Variants in GLMN observed in about 807,000 individuals in gnomAD.
GLMN encodes glomulin, FKBP associated protein.
Under a neutral mutation model 87.8 loss-of-function variants are expected in GLMN, and 75 were observed. That is an observed-to-expected ratio of 0.85 (90% CI 0.71 to 1.04). The LOEUF (loss-of-function observed/expected upper bound fraction) is 1.04, where lower values mean the gene tolerates loss of function less well. GLMN is among the 50% of genes least tolerant of loss of function. The probability of loss-of-function intolerance (pLI) is 0.00; values close to 1 mark genes in which losing one functional copy is unlikely to be tolerated. For synonymous variants in GLMN, 206 were observed against 221.6 expected, an observed-to-expected ratio of 0.93 and a Z score of 0.63; for missense variants, 588 against 658.8, an observed-to-expected ratio of 0.89 and a Z score of 1.18.
Position 92,297,991 on chromosome 1 carries a change from T to C in GLMN, c.9A>G (p.Val3=). 6.7e-7 allele frequency: 1 copy of C among 1,499,918 alleles called. No homozygotes were observed. The highest frequency in any genetic ancestry group is 9.3e-7 in the Non-Finnish European group (1 of 1,076,376). The allele number at this position is 1,499,918 out of a possible 1,614,324, so 92.9% of individuals were successfully genotyped here. Residue 3 remains valine (V), a synonymous_variant, in exon 2 of 19, where the codon GTA becomes GTG. Coordinates refer to ENST00000370360, the MANE Select transcript of GLMN (RefSeq NM_053274.3). MA[V]EELQSIIKRC... is the part of the protein sequence containing the mutation. ...TCTTTATTATAGACTGAAGTTCCTC[T>C]ACAGCCATTCTTATTTCTCCTAGTT...
the GLMN span, among the ~76,000 whole-genome samples, chr1:92,367,889 C>G: frequency 6.6e-6 from 1 of 152,190 alleles, no homozygotes. Flanking sequence ...AAATTATGAA[C>G]GCTCAGGAAA....
At chr1:92,258,287 G>A (rs1006322716) in intron 16 of GLMN, among the ~76,000 whole-genome samples, 20 of 152,118 alleles carry the variant, frequency 1.3e-4, no homozygotes, top group Admixed American at 3.3e-4. Context: ...AAATAGGAAC[G>A]CTTTTACACT....
At chr1:92,266,857 A>G (rs1424009283) in intron 11 of GLMN, 116 bp from the exon 12 acceptor site, 2 of 681,672 alleles carry the variant, frequency 2.9e-6, no homozygotes, top group African/African-American at 1.8e-5. Flanking sequence ...TAGGAGATTT[A>G]AAAGTGAAGT....
At chr1:92,261,472 C>T (rs538759424) in intron 16 of GLMN, among the ~76,000 whole-genome samples, 12 of 151,962 alleles carry the variant, frequency 7.9e-5, no homozygotes, top group South Asian at 6.2e-4. Flanking sequence ...GAGAACGAGA[C>T]GCTCTCTGAA....
chr1:92,334,810 C>T, the GLMN span, among the ~76,000 whole-genome samples: 3,147 of 152,108 alleles, frequency 0.021, 46 homozygotes, highest in Middle Eastern at 0.037. Context: ...CACGGTGAAA[C>T]CCCATCTCTA....
chr1:92,264,430 TTAA>T (rs1655381149), intron 14 of GLMN, 121 bp downstream of exon 14: 7 of 624,790 alleles, frequency 1.1e-5, no homozygotes, highest in South Asian at 3.9e-5. Flanking sequence ...AAAATATGCC[TTAA>T]TAATATTTAA....
chr1:92,270,566 T>C lies in GLMN; in HGVS notation c.924-790A>G, dbSNP rs140642383. Among the ~76,000 whole-genome samples the C allele has an allele frequency of 1.6e-3, 238 of 152,348 alleles. 1 individual carries two copies. Among genetic ancestry groups the C allele is most frequent in the Admixed American group, 3.5e-3 (54 of 15,296 alleles). ...TTACATACGAATGTACTCCTAGCTA[T>C]ATTCATATATAAATGCACAAACTCA... On this transcript the variant is annotated intron_variant, in intron 8 of 18. Coordinates refer to ENST00000370360, the MANE Select transcript of GLMN (RefSeq NM_053274.3).
chr1:92,259,999 A>T (rs553672430), intron 16 of GLMN, among the ~76,000 whole-genome samples: 231 of 151,916 alleles, frequency 1.5e-3, no homozygotes, highest in Non-Finnish European at 2.1e-3. Flanking sequence ...CCTTCCAAAG[A>T]GCTGGGATTA....
At chr1:92,270,023 G>A (rs1656071952) in intron 8 of GLMN, among the ~76,000 whole-genome samples, 2 of 152,126 alleles carry the variant, frequency 1.3e-5, no homozygotes, top group South Asian at 4.1e-4. Flanking sequence ...AAAGTTTGGA[G>A]ACAGACACAA....
chr1:92,251,140 A>C (rs1299673081), intron 16 of GLMN, among the ~76,000 whole-genome samples: 1 of 152,224 alleles, frequency 6.6e-6, no homozygotes, highest in Non-Finnish European at 1.5e-5. Context: ...AAAAATAGCC[A>C]ATACAATTTT....
At chr1:92,284,319 C>CAG (rs1648460821) in intron 7 of GLMN, among the ~76,000 whole-genome samples, 1 of 152,098 alleles carries the variant, frequency 6.6e-6, no homozygotes, top group Non-Finnish European at 1.5e-5. Context: ...TAACACTACA[C>CAG]ATCTACAACC....
intron 16 of GLMN, among the ~76,000 whole-genome samples, chr1:92,257,441 C>T (rs1224324571): frequency 6.6e-6 from 1 of 152,170 alleles, no homozygotes; most frequent in Non-Finnish European, 1.5e-5. Context: ...ATAGCCAGGA[C>T]AATCCTAAGC....
chr1:92,274,511 A>C (rs1268618648), intron 7 of GLMN, among the ~76,000 whole-genome samples: 1 of 152,136 alleles, frequency 6.6e-6, no homozygotes, highest in Non-Finnish European at 1.5e-5. Flanking sequence ...ACCTTCTCAT[A>C]ATCTTTTTCT....
At chr1:92,259,461 AT>A (rs1395427608) in intron 16 of GLMN, among the ~76,000 whole-genome samples, 1 of 152,188 alleles carries the variant, frequency 6.6e-6, no homozygotes. Context: ...TACGAAGAGA[AT>A]AAGTCAGTTG....
At position 92,271,627 on chromosome 1, in the gene GLMN, G is replaced by C. The variant is rs145762716; in HGVS notation, c.761C>G (p.Pro254Arg). The C allele has an allele frequency of 2.9e-4, 465 of 1,612,426 alleles. 1 individual carries two copies. In the East Asian group the frequency reaches 9.6e-3, roughly 33 times the overall value. ...ATGATTAAAAATCATTTTGGGGAAA[G>C]GGTGTCCAATTGCTGATAAAAAACC... ...IIGFLSAIGH[P>R]FPKMIFNHGR... is the part of the protein sequence containing the mutation. The change falls in exon 8 of 19, where the codon CCT becomes CGT. Residue 254 changes from proline (P) to arginine (R), a missense_variant. By Grantham distance (103) the Pro-to-Arg change is moderately radical (BLOSUM62 -2). Transcript: ENST00000370360.
At chr1:92,287,197 T>C (rs1381506368) in intron 6 of GLMN, among the ~76,000 whole-genome samples, 1 of 152,182 alleles carries the variant, frequency 6.6e-6, no homozygotes, top group African/African-American at 2.4e-5. Flanking sequence ...TTTCATTAGT[T>C]CAAAGAAAAA....
At chr1:92,347,610 A>G in the GLMN span, among the ~76,000 whole-genome samples, 1 of 152,236 alleles carries the variant, frequency 6.6e-6, no homozygotes, top group Non-Finnish European at 1.5e-5. Flanking sequence ...ATAGCAAAGA[A>G]CTGAAAAAGT....
upstream of GLMN, chr1:92,301,362 A>G: frequency 1.5e-5 from 6 of 396,178 alleles, no homozygotes; most frequent in East Asian, 4.6e-5. Flanking sequence ...AAATTTTTTA[A>G]ATATATTTAA....
At chr1:92,278,583 A>G (rs1007109880) in intron 7 of GLMN, among the ~76,000 whole-genome samples, 2 of 152,128 alleles carry the variant, frequency 1.3e-5, no homozygotes, top group African/African-American at 4.8e-5. Flanking sequence ...CAACCCTTCA[A>G]AAGACTACTG....
Sources: gnomAD v4.1 joint callset for allele counts (sites outside exome capture counted in the v4.1 genomes callset) on GRCh38, gnomAD v4.1.1 for gene constraint, MANE v1.5 for transcripts, NCBI Gene and HGNC (gene_info 2026-07-23, HGNC 2026-07-21) for gene names.